The following SRCIN1 variants were observed in gnomAD, a reference collection of about 807,000 sequenced individuals.
SRCIN1 encodes SRC kinase signaling inhibitor 1.
SRCIN1 carries 50 observed loss-of-function variants against 116.2 expected under a neutral mutation model. The ratio of observed to expected loss-of-function variants is 0.43; its 90% CI spans 0.34 to 0.54. The LOEUF (loss-of-function observed/expected upper bound fraction) is 0.54, where lower values mean the gene tolerates loss of function less well. Ranked by LOEUF, SRCIN1 falls within the 20% of genes least tolerant of loss-of-function variation. The pLI, the probability that SRCIN1 is intolerant of heterozygous loss-of-function variation, is 0.02. For missense variants in SRCIN1, 1,446 were observed against 1,672.0 expected (o/e 0.86, Z 2.36); for synonymous variants, 736 against 750.0 (o/e 0.98, Z 0.30).
Position 38,568,757 on chromosome 17 carries a change from C to T in SRCIN1, c.325-526G>A, listed in dbSNP as rs1163835272. On this transcript the variant is annotated intron_variant, in intron 2 of 18. Coordinates refer to ENST00000617146, the MANE Select transcript of SRCIN1 (RefSeq NM_025248.3). The surrounding 1 kb of genome is among the most constrained non-coding windows in gnomAD (Gnocchi z 4.5). ...GCAGCTGGGAAAGTAGCAGATTAGG[C>T]TGCAAAGGGTGGGAAGTGGGAGGCT... Among the ~76,000 whole-genome samples the T allele has an allele frequency of 1.3e-5, 2 of 152,062 alleles. No homozygotes were observed. Among genetic ancestry groups the T allele is most frequent in the African/African-American group, 4.8e-5 (2 of 41,378 alleles).
At chr17:38,590,738 G>A (rs1908395172) in intron 1 of SRCIN1, among the ~76,000 whole-genome samples, 1 of 137,502 alleles carries the variant, frequency 7.3e-6, no homozygotes, top group Non-Finnish European at 1.5e-5. Context: ...CTGCCGGGGT[G>A]CTTAGCCCAT....
chr17:38,549,344 G>A (rs1354137437), intron 15 of SRCIN1, 134 bp from the exon 16 acceptor site: 2 of 868,214 alleles, frequency 2.3e-6, no homozygotes, highest in Non-Finnish European at 3.3e-6. Context: ...AAGCCTGGGG[G>A]CAAGAACACA....
intron 18 of SRCIN1, among the ~76,000 whole-genome samples, chr17:38,534,447 T>C (rs1031298539): frequency 1.1e-4 from 16 of 152,202 alleles, no homozygotes; most frequent in African/African-American, 3.9e-4. Context: ...AGGTTTCTCC[T>C]TGTAATTGTA....
At chr17:38,577,661 C>T (rs1907499497) in intron 2 of SRCIN1, among the ~76,000 whole-genome samples, 1 of 152,202 alleles carries the variant, frequency 6.6e-6, no homozygotes, top group Non-Finnish European at 1.5e-5. Context: ...TATGCAGCAA[C>T]CATGCAAGCG....
In SRCIN1 at chr17:38,561,901, G is replaced by T; in HGVS notation, c.1262C>A (p.Pro421Gln). 2 of 1,445,710 alleles carry T rather than the reference G, an allele frequency of 1.4e-6. No homozygotes were observed. The highest frequency in any genetic ancestry group is 1.8e-6 in the Non-Finnish European group (2 of 1,115,312). 89.6% of individuals were successfully genotyped at this position (1,445,710 alleles called of 1,614,324 possible). Residue 421 changes from proline (P) to glutamine (Q), a missense_variant, in exon 7 of 19, where the codon CCG (proline) becomes CAG (glutamine). This residue lies in a region of SRCIN1 where 239 missense variants were observed against 317.7 expected (regional missense o/e 0.75). Transcript: ENST00000617146. ...AAAAGDPFAY[P>Q]GAGGLYKRGS... The stretch of plus-strand genomic sequence containing the variant: ...GCGCTTGTAGAGGCCGCCGGCGCCC[G>T]GGTAGGCGAACGGGTCGCCGGCGGC...
rs956864316 is a variant in SRCIN1 at position 38,558,043 on chromosome 17, C to T, written c.2201+184G>A. ...CAGAAAAAAGAAATCAGGAATAATG[C>T]CAGCCGGTCAAAAGTTTGTGGGTCA... On this transcript the variant is annotated intron_variant, in intron 11 of 18. Transcript: ENST00000617146. This position sits in a 1 kb window ranked among gnomAD's most constrained non-coding sequence, Gnocchi z 4.6. Among the ~76,000 whole-genome samples, 1 of 152,190 alleles carries T rather than the reference C, an allele frequency of 6.6e-6. No homozygotes were observed. The highest frequency in any genetic ancestry group is 1.5e-5 in the Non-Finnish European group (1 of 68,040).
At chr17:38,587,944 C>T (rs984536473) in intron 1 of SRCIN1, among the ~76,000 whole-genome samples, 1 of 152,016 alleles carries the variant, frequency 6.6e-6, no homozygotes, top group African/African-American at 2.4e-5. Context: ...TCCTCTTTCA[C>T]ACACAGCAGG....
At chr17:38,557,662 A>G (rs993628435) in intron 11 of SRCIN1, among the ~76,000 whole-genome samples, 7 of 152,276 alleles carry the variant, frequency 4.6e-5, no homozygotes, top group African/African-American at 1.7e-4. Flanking sequence ...ATGCCTAAGC[A>G]TGCGGAGGCA....
At chr17:38,605,539 AGCATCCCTCGCCCC>A in intron 1 of SRCIN1, 131 bp downstream of exon 1, 1 of 454,536 alleles carries the variant, frequency 2.2e-6, no homozygotes. Flanking sequence ...CCTGCGCCCC[AGCATCCCTCGCCCC>A]GCCGGCCACC....
chr17:38,548,788 A>G, intron 16 of SRCIN1, 79 bp from the exon 17 acceptor site: 11 of 1,451,058 alleles, frequency 7.6e-6, no homozygotes, highest in Non-Finnish European at 1.0e-5. Context: ...CCCATCGCCC[A>G]TGTACCCCAG....
In SRCIN1 at chr17:38,538,384, T is replaced by C. The variant is rs1445147278; in HGVS notation, c.3418-4953A>G. On this transcript the variant is annotated intron_variant, in intron 18 of 18. Transcript: ENST00000617146. Reference sequence around the variant, plus strand: ...GTGAGCCAAAGTTGCGCCACTGCACTCCAGCCTGGGTGACAGAGTGAGACT... The same window carrying C: ...GTGAGCCAAAGTTGCGCCACTGCACCCCAGCCTGGGTGACAGAGTGAGACT... Among the ~76,000 whole-genome samples the C allele has an allele frequency of 1.3e-4, 18 of 138,226 alleles. No individual in the cohort carries two copies. In the East Asian group the frequency reaches 3.3e-3, roughly 25 times the overall value. 90.7% of individuals were successfully genotyped at this position (138,226 alleles called of 152,430 possible).
intron 8 of SRCIN1, 74 bp downstream of exon 8, chr17:38,560,259 G>A: frequency 6.7e-7 from 1 of 1,492,462 alleles, no homozygotes; most frequent in Non-Finnish European, 9.1e-7. Flanking sequence ...GACACTGGCA[G>A]AGCCGATGCC....
At position 38,563,060 on chromosome 17, in the gene SRCIN1, A is replaced by G; in HGVS notation, c.741-140T>C. 1.2e-6 allele frequency: 1 copy of G among 813,450 alleles called. No individual in the cohort carries two copies. The highest frequency in any genetic ancestry group is 2.0e-6 in the Non-Finnish European group (1 of 509,264). The allele number at this position is 813,450 out of a possible 1,614,324, so 50.4% of individuals were successfully genotyped here. On this transcript the variant is annotated intron_variant, in intron 5 of 18. Coordinates refer to ENST00000617146, the MANE Select transcript of SRCIN1 (RefSeq NM_025248.3). This position sits in a 1 kb window ranked among gnomAD's most constrained non-coding sequence, Gnocchi z 5.8. ...TCTCAGGCTGCCTGCACACACGCCC[A>G]GCAGCCTCCACCCCGGCCTCTTCCT...
upstream of SRCIN1, among the ~76,000 whole-genome samples, chr17:38,606,374 T>C (rs1311496725): frequency 6.6e-6 from 1 of 151,790 alleles, no homozygotes; most frequent in African/African-American, 2.4e-5. This position sits in a 1 kb window ranked among gnomAD's most constrained non-coding sequence, Gnocchi z 5.2. Flanking sequence ...GACTGGGGGC[T>C]CCCTTCAGCC....
At chr17:38,582,290 T>C (rs1172445954) in intron 1 of SRCIN1, among the ~76,000 whole-genome samples, 1 of 152,026 alleles carries the variant, frequency 6.6e-6, no homozygotes, top group Non-Finnish European at 1.5e-5. Context: ...GAGCAAACAG[T>C]GTACCAGCCT....
intron 2 of SRCIN1, among the ~76,000 whole-genome samples, chr17:38,575,364 C>A (rs912689652): frequency 2.6e-5 from 4 of 152,110 alleles, no homozygotes; most frequent in Non-Finnish European, 5.9e-5. Flanking sequence ...ATCCACCCAC[C>A]TCAGCCTCCT....
chr17:38,578,878 G>A, intron 1 of SRCIN1, 87 bp from the exon 2 acceptor site: 1 of 1,402,220 alleles, frequency 7.1e-7, no homozygotes, highest in Non-Finnish European at 9.3e-7. Context: ...GCGGGAAGGG[G>A]CGGGGCCTGG....
At chr17:38,534,516 T>TA (rs2040973055) in intron 18 of SRCIN1, among the ~76,000 whole-genome samples, 1 of 152,066 alleles carries the variant, frequency 6.6e-6, no homozygotes. Flanking sequence ...CACCCAGATT[T>TA]AAAAAAAGAT....
chr17:38,550,028 A>G (rs1414010964), intron 15 of SRCIN1, among the ~76,000 whole-genome samples: 3 of 152,238 alleles, frequency 2.0e-5, no homozygotes, highest in Non-Finnish European at 2.9e-5. Context: ...GGCCTCCGCC[A>G]GGACTGCACA....
Sources: gnomAD v4.1 joint callset for allele counts (sites outside exome capture counted in the v4.1 genomes callset) on GRCh38, gnomAD v4.1.1 for gene constraint, gnomAD v4.1.1 regional missense constraint, Gnocchi (gnomAD v3.1) non-coding constraint, MANE v1.5 for transcripts, NCBI Gene and HGNC (gene_info 2026-07-23, HGNC 2026-07-21) for gene names.